Variants in DMD observed in about 807,000 individuals in gnomAD.
DMD encodes mutant dystrophin.
A neutral mutation model predicts 330.1 loss-of-function variants in DMD; 63 were observed. The observed-to-expected ratio is 0.19, with a 90% CI of 0.16 to 0.24. DMD has a LOEUF of 0.24. Among genes scored for constraint, DMD ranks in the 10% least tolerant of loss-of-function variants. The pLI is 1.00. For synonymous variants in DMD, 1,223 were observed against 959.8 expected, an observed-to-expected ratio of 1.27 and a Z score of -5.07; for missense variants, 3,344 against 2,684.1, an observed-to-expected ratio of 1.25 and a Z score of -5.43.
At chrX:32,242,117 G>A (rs1286195148) in intron 43 of DMD, among the ~76,000 whole-genome samples, 2 of 111,864 alleles carry the variant, frequency 1.8e-5, no homozygotes, top group African/African-American at 6.5e-5. Flanking sequence ...AAATTTCCTT[G>A]GTAACTGCAA....
intron 21 of DMD, among the ~76,000 whole-genome samples, chrX:32,481,675 C>G (rs939328232): frequency 2.7e-5 from 3 of 111,675 alleles, no homozygotes; most frequent in Non-Finnish European, 5.7e-5. Context: ...TATCATATAG[C>G]TGGCACCTGC....
At position 31,380,155 on chromosome X, in the gene DMD, G is replaced by A. The variant is rs148280961; in HGVS notation, c.9085-31521C>T. Among the ~76,000 whole-genome samples, 803 of 110,512 alleles carry A rather than the reference G, an allele frequency of 7.3e-3. 5 individuals carry two copies. Among genetic ancestry groups the A allele is most frequent in the African/African-American group, 0.025 (743 of 30,320 alleles). On this transcript the variant is annotated intron_variant, in intron 60 of 78. Coordinates refer to ENST00000357033, the MANE Select transcript of DMD (RefSeq NM_004006.3). Reference sequence around the variant, plus strand: ...CTCCATAACTGTTGTAGGTATTGACGGCCAGGCTTCTAAACCTCTTAAAAC... The same window carrying A: ...CTCCATAACTGTTGTAGGTATTGACAGCCAGGCTTCTAAACCTCTTAAAAC...
At chrX:32,323,229 G>T (rs2097629516) in intron 41 of DMD, among the ~76,000 whole-genome samples, 1 of 111,834 alleles carries the variant, frequency 8.9e-6, no homozygotes, top group Non-Finnish European at 1.9e-5. Flanking sequence ...GGTGTCCATA[G>T]TTACATGCAA....
chrX:32,422,096 T>A (rs2098192362), intron 29 of DMD, among the ~76,000 whole-genome samples: 1 of 111,330 alleles, frequency 9.0e-6, no homozygotes, highest in South Asian at 3.7e-4. Context: ...GGAAAGGAGC[T>A]TCATTTCTGG....
chrX:32,667,959 G>A (rs1242872037), intron 9 of DMD, among the ~76,000 whole-genome samples: 2 of 103,879 alleles, frequency 1.9e-5, no homozygotes, highest in Non-Finnish European at 3.8e-5. Context: ...GGCCAACATA[G>A]CAAAACCTTG....
intron 43 of DMD, among the ~76,000 whole-genome samples, chrX:32,263,661 C>A (rs1438518000): frequency 8.9e-6 from 1 of 111,754 alleles, no homozygotes; most frequent in Non-Finnish European, 1.9e-5. Flanking sequence ...AATTGATTTT[C>A]ACTATCTAAA....
intron 7 of DMD, among the ~76,000 whole-genome samples, chrX:32,764,911 C>T (rs1343992832): frequency 9.3e-6 from 1 of 107,362 alleles, no homozygotes; most frequent in Admixed American, 1.0e-4. Flanking sequence ...CAGCAGTTCA[C>T]AAGTGTTCAA....
chrX:31,155,828 A>C (rs2038049723), intron 74 of DMD, among the ~76,000 whole-genome samples: 1 of 110,158 alleles, frequency 9.1e-6, no homozygotes, highest in African/African-American at 3.3e-5. Context: ...TTTACAAAAA[A>C]ATTGAAAAAA....
chrX:33,215,920 TG>T (rs1340161794), upstream of DMD, among the ~76,000 whole-genome samples: 2 of 112,199 alleles, frequency 1.8e-5, no homozygotes, highest in East Asian at 5.6e-4. Context: ...TTTGGGTTAC[TG>T]TAGGCTTATA....
At chrX:32,536,583 G>C (rs1322061566) in intron 17 of DMD, among the ~76,000 whole-genome samples, 2 of 112,101 alleles carry the variant, frequency 1.8e-5, no homozygotes, top group Non-Finnish European at 3.8e-5. Flanking sequence ...GTTTTCACCA[G>C]AGTATAAATC....
chrX:33,066,409 A>G (rs182409434), intron 1 of DMD, among the ~76,000 whole-genome samples: 1 of 97,295 alleles, frequency 1.0e-5, no homozygotes, highest in Non-Finnish European at 2.0e-5. Flanking sequence ...AGATCACACC[A>G]CTGCACTCCA....
chrX:31,408,125 G>C (rs2061485511), intron 60 of DMD, among the ~76,000 whole-genome samples: 1 of 112,015 alleles, frequency 8.9e-6, no homozygotes, highest in African/African-American at 3.2e-5. Context: ...AAGGGAACTA[G>C]AGCATTAGTC....
At chrX:32,061,467 T>C (rs891305637) in intron 44 of DMD, among the ~76,000 whole-genome samples, 6 of 111,759 alleles carry the variant, frequency 5.4e-5, no homozygotes, top group Admixed American at 4.8e-4. Flanking sequence ...ATCATACCTC[T>C]ATAAATTAAA....
At chrX:32,802,095 C>T (rs761364873) in intron 7 of DMD, among the ~76,000 whole-genome samples, 14 of 111,613 alleles carry the variant, frequency 1.3e-4, no homozygotes, top group Admixed American at 7.6e-4. Context: ...TAAATTACTT[C>T]GGGCAGTATG....
intron 9 of DMD, among the ~76,000 whole-genome samples, chrX:32,664,280 C>T (rs1177459068): frequency 2.2e-5 from 2 of 92,060 alleles, no homozygotes; most frequent in African/African-American, 8.3e-5. Context: ...CTCGCTCTGT[C>T]ACCCAGGCTG....
chrX:32,363,916 A>G (rs2097845616), intron 36 of DMD, among the ~76,000 whole-genome samples: 1 of 111,894 alleles, frequency 8.9e-6, no homozygotes, highest in Non-Finnish European at 1.9e-5. Flanking sequence ...TTAATTGGGA[A>G]AAGAGACATC....
chrX:32,434,144 A>G (rs370367401), intron 29 of DMD, among the ~76,000 whole-genome samples: 3 of 112,639 alleles, frequency 2.7e-5, no homozygotes, highest in Non-Finnish European at 5.6e-5. Context: ...TTAACAGGCA[A>G]TTGAATGTTA....
At chrX:31,303,997 G>A (rs778711054) in intron 62 of DMD, among the ~76,000 whole-genome samples, 2 of 112,157 alleles carry the variant, frequency 1.8e-5, no homozygotes, top group Non-Finnish European at 3.8e-5. Flanking sequence ...ATCAATGAAT[G>A]AATCAGTCAA....
chrX:31,214,753 T>G (rs1232514596), intron 64 of DMD, among the ~76,000 whole-genome samples: 1 of 101,199 alleles, frequency 9.9e-6, no homozygotes, highest in Non-Finnish European at 2.0e-5. Flanking sequence ...GCATATCACT[T>G]TGCATCACTG....
Sources: allele counts gnomAD v4.1 joint callset (sites outside exome capture counted in the v4.1 genomes callset), GRCh38; gene constraint gnomAD v4.1.1; transcripts MANE v1.5; gene names NCBI Gene and HGNC (gene_info 2026-07-23, HGNC 2026-07-21).